The following KCNS3 variants were observed in gnomAD, a reference collection of about 807,000 sequenced individuals.
KCNS3 encodes the protein potassium voltage-gated channel modifier subfamily S member 3.
In KCNS3, 13 loss-of-function variants were observed where a neutral mutation model predicts 31.0. The observed-to-expected ratio is 0.42, with a 90% CI of 0.27 to 0.67. The LOEUF is 0.67. Among genes scored for constraint, KCNS3 ranks in the 30% least tolerant of loss-of-function variants. The pLI is 0.25. For synonymous variants in KCNS3, 238 were observed against 241.5 expected, an observed-to-expected ratio of 0.99 and a Z score of 0.13; for missense variants, 545 against 622.4, an observed-to-expected ratio of 0.88 and a Z score of 1.32.
intron 1 of KCNS3, among the ~76,000 whole-genome samples, chr2:17,903,182 A>G (rs1040847464): frequency 2.6e-5 from 4 of 152,240 alleles, no homozygotes; most frequent in Non-Finnish European, 4.4e-5. Flanking sequence ...GCAAATGTCA[A>G]CCAACTCATT....
chr2:17,907,085 T>A (rs1374774827), intron 1 of KCNS3, among the ~76,000 whole-genome samples: 1 of 152,228 alleles, frequency 6.6e-6, no homozygotes, highest in Non-Finnish European at 1.5e-5. Context: ...TATTAGTGTG[T>A]GGGAGTCTAA....
At chr2:17,881,898 G>A (rs1300627541) in intron 1 of KCNS3, among the ~76,000 whole-genome samples, 1 of 152,186 alleles carries the variant, frequency 6.6e-6, no homozygotes, top group African/African-American at 2.4e-5. Flanking sequence ...TGACAAAATG[G>A]TCTGCTTTTC....
chr2:17,907,560 A>G (rs1433786071), intron 1 of KCNS3, among the ~76,000 whole-genome samples: 1 of 152,140 alleles, frequency 6.6e-6, no homozygotes, highest in African/African-American at 2.4e-5. Flanking sequence ...AGCATCGATG[A>G]TCTTTACAAT....
At chr2:17,888,627 A>ATGTG (rs1553341392) in intron 1 of KCNS3, among the ~76,000 whole-genome samples, 2 of 57,726 alleles carry the variant, frequency 3.5e-5, no homozygotes, top group African/African-American at 1.3e-4. Context: ...AATAAAAAAA[A>ATGTG]TGTATATATA....
chr2:17,877,971 G>A (rs1572471566), upstream of KCNS3: 1 of 152,202 alleles, frequency 6.6e-6, no homozygotes, highest in African/African-American at 2.4e-5. Context: ...CTTCCGAAAG[G>A]GGACCCGACT....
chr2:17,912,416 C>T (rs1662491456), intron 1 of KCNS3, among the ~76,000 whole-genome samples: 1 of 152,246 alleles, frequency 6.6e-6, no homozygotes, highest in African/African-American at 2.4e-5. Flanking sequence ...AGGGAGATGA[C>T]TACAAGGTGG....
Position 17,932,682 on chromosome 2 carries a change from T to G in KCNS3, c.*198T>G, listed in dbSNP as rs1437070391. On this transcript the variant is annotated 3_prime_UTR_variant, in exon 3 of 3. Coordinates refer to ENST00000304101, the MANE Select transcript of KCNS3 (RefSeq NM_002252.5). ...GTGAGGTCAATTAAATGCCTTGTTC[T>G]GAAATTTATTTTTTACAAGAGAGAG... 2 of 559,044 alleles carry G rather than the reference T, an allele frequency of 3.6e-6. No individual in the cohort carries two copies. The highest frequency in any genetic ancestry group is 6.2e-6 in the Non-Finnish European group (2 of 320,006). The allele number at this position is 559,044 out of a possible 1,614,324, so 34.6% of individuals were successfully genotyped here. A position where few individuals can be genotyped will look rare whatever the true frequency, so the allele number is the denominator to read the frequency against.
chr2:17,887,570 CATTG>C (rs1421516536), intron 1 of KCNS3, among the ~76,000 whole-genome samples: 2 of 149,978 alleles, frequency 1.3e-5, no homozygotes, highest in Admixed American at 6.6e-5. Context: ...TTTATCCACT[CATTG>C]ATTGATGGGC....
intron 1 of KCNS3, among the ~76,000 whole-genome samples, chr2:17,900,536 C>A (rs570623669): frequency 1.3e-5 from 2 of 152,068 alleles, no homozygotes; most frequent in African/African-American, 4.8e-5. Context: ...GTCGCCCAGG[C>A]TGGAGTGCAG....
intron 1 of KCNS3, among the ~76,000 whole-genome samples, chr2:17,886,283 A>G (rs1171805963): frequency 6.6e-6 from 1 of 152,194 alleles, no homozygotes; most frequent in Non-Finnish European, 1.5e-5. Flanking sequence ...ACCGAAAAGC[A>G]TTTCCTATGA....
rs759962244 is a variant in KCNS3, at chr2:17,932,369, G to C, written c.1361G>C (p.Ser454Thr). 3 of 1,614,100 alleles carry C rather than the reference G, an allele frequency of 1.9e-6. No individual in the cohort carries two copies. The highest frequency in any genetic ancestry group is 2.2e-5 in the South Asian group (2 of 91,068). Residue 454 changes from serine to threonine, a missense_variant, in exon 3 of 3, where the codon AGT becomes ACT. Ser to Thr is a moderately conservative substitution (Grantham distance 58). Transcript: ENST00000304101. ...CAGCGGATGCACACCTTCATTACCAGTCTCTCTTCTGTAGGCATTGTGGTG... is the reference window on the plus strand; with the variant it reads ...CAGCGGATGCACACCTTCATTACCACTCTCTCTTCTGTAGGCATTGTGGTG... ...YAQRMHTFITSLSSVGIVVSD... is the reference protein window; with the variant it reads ...YAQRMHTFITTLSSVGIVVSD...
chr2:17,898,618 T>C (rs1166541869), intron 1 of KCNS3, among the ~76,000 whole-genome samples: 2 of 152,264 alleles, frequency 1.3e-5, no homozygotes, highest in African/African-American at 4.8e-5. Context: ...GTAGGAAACA[T>C]CCAGAGGTCT....
At chr2:17,926,301 G>A (rs1446202197) in intron 2 of KCNS3, among the ~76,000 whole-genome samples, 2 of 152,210 alleles carry the variant, frequency 1.3e-5, no homozygotes, top group South Asian at 2.1e-4. Flanking sequence ...GGCTTTTCCA[G>A]GTGCTCAGTG....
intron 2 of KCNS3, among the ~76,000 whole-genome samples, chr2:17,922,083 G>A (rs141199466): frequency 6.6e-6 from 1 of 150,844 alleles, no homozygotes; most frequent in East Asian, 1.9e-4. Context: ...TGGTTTCCCA[G>A]TCTTGATTTT....
At chr2:17,900,702 C>A (rs1662153584) in intron 1 of KCNS3, among the ~76,000 whole-genome samples, 2 of 151,966 alleles carry the variant, frequency 1.3e-5, no homozygotes, top group African/African-American at 4.8e-5. Flanking sequence ...GTTGGCCAGG[C>A]TGGTTTCGAA....
Position 17,931,609 on chromosome 2 carries a change from GC to G in KCNS3, c.603del (p.Met202CysfsTer54). 1.9e-6 allele frequency: 3 copies of G among 1,614,184 alleles called. No individual in the cohort carries two copies. Among genetic ancestry groups the G allele is most frequent in the Non-Finnish European group, 2.5e-6 (3 of 1,180,040 alleles). On this transcript the variant is annotated frameshift_variant, in exon 3 of 3. Transcript: ENST00000304101. LOFTEE classifies it high-confidence loss of function. The surrounding 1 kb of genome is among the most constrained non-coding windows in gnomAD (Gnocchi z 5.4). ...SLSVVLASIV[A>X]MCVHSMSEFQ... ...GAGCGTGGTGCTGGCCTCCATCGTG[GC>G]CATGTGCGTTCACAGCATGTCGGAG...
intron 2 of KCNS3, among the ~76,000 whole-genome samples, chr2:17,921,309 A>G (rs1572500449): frequency 6.6e-6 from 1 of 152,216 alleles, no homozygotes; most frequent in East Asian, 1.9e-4. Flanking sequence ...ATCTTGTATG[A>G]TCAGAGCTCC....
chr2:17,878,483 C>T (rs1300557526), upstream of KCNS3, among the ~76,000 whole-genome samples: 1 of 151,666 alleles, frequency 6.6e-6, no homozygotes, highest in East Asian at 1.9e-4. Flanking sequence ...CGGTCGGAGC[C>T]CCGCAGTCCT....
intron 1 of KCNS3, among the ~76,000 whole-genome samples, chr2:17,883,819 C>A (rs979310512): frequency 6.6e-6 from 1 of 151,848 alleles, no homozygotes; most frequent in East Asian, 1.9e-4. Context: ...ATGTTTATTG[C>A]GGCACTATTC....
Sources: gnomAD v4.1 joint callset for allele counts (sites outside exome capture counted in the v4.1 genomes callset) on GRCh38, gnomAD v4.1.1 for gene constraint, Gnocchi (gnomAD v3.1) non-coding constraint, MANE v1.5 for transcripts, NCBI Gene and HGNC (gene_info 2026-07-23, HGNC 2026-07-21) for gene names.